Variants in SHANK2 observed in about 807,000 individuals in gnomAD.
The protein encoded by SHANK2 is SH3 and multiple ankyrin repeat domains protein 2.
A neutral mutation model predicts 133.7 loss-of-function variants in SHANK2; 43 were observed. The ratio of observed to expected loss-of-function variants is 0.32; its 90% CI spans 0.25 to 0.41. SHANK2 has a LOEUF of 0.41. SHANK2 is among the 10% of genes least tolerant of loss of function. The probability of loss-of-function intolerance (pLI) is 1.00; values close to 1 mark genes in which losing one functional copy is unlikely to be tolerated. For missense variants in SHANK2, 1,994 were observed against 2,235.8 expected (o/e 0.89, Z 2.18); for synonymous variants, 1,017 against 952.8 (o/e 1.07, Z -1.24).
intron 2 of SHANK2, among the ~76,000 whole-genome samples, chr11:71,170,039 C>A (rs1028281020): frequency 1.4e-4 from 22 of 151,990 alleles, no homozygotes; most frequent in African/African-American, 5.3e-4. Context: ...ATACAATATT[C>A]ATTAATTTTA....
At chr11:71,092,638 T>G (rs1417584496) in intron 7 of SHANK2, 49 bp from the exon 8 acceptor site, 1 of 1,533,352 alleles carries the variant, frequency 6.5e-7, no homozygotes, top group Admixed American at 2.0e-5. Context: ...ATGACCCCTT[T>G]TGCAGAGTGA....
At chr11:70,901,916 A>G (rs567306987) in intron 10 of SHANK2, among the ~76,000 whole-genome samples, 1 of 152,322 alleles carries the variant, frequency 6.6e-6, no homozygotes, top group South Asian at 2.1e-4. Context: ...AAGTCATGGG[A>G]GGAATCCACA....
chr11:70,850,734 T>C (rs1949073287), intron 11 of SHANK2, among the ~76,000 whole-genome samples: 1 of 152,110 alleles, frequency 6.6e-6, no homozygotes, highest in African/African-American at 2.4e-5. Context: ...CAGTTCTGAA[T>C]CCCATCAGAC....
chr11:70,610,270 CA>C (rs1554993815), intron 17 of SHANK2, among the ~76,000 whole-genome samples: 1 of 152,128 alleles, frequency 6.6e-6, no homozygotes, highest in South Asian at 2.1e-4. Context: ...AAAATTCCAT[CA>C]GCATTGCCTG....
chr11:71,063,556 G>T (rs935969031), intron 9 of SHANK2, among the ~76,000 whole-genome samples: 3 of 152,284 alleles, frequency 2.0e-5, no homozygotes, highest in South Asian at 4.1e-4. Flanking sequence ...TACAGAGAAG[G>T]TTAATGTGAA....
At chr11:70,597,738 T>C (rs181017704) in intron 17 of SHANK2, among the ~76,000 whole-genome samples, 21 of 152,262 alleles carry the variant, frequency 1.4e-4, no homozygotes, top group Non-Finnish European at 2.6e-4. Flanking sequence ...CTGGGCAGAA[T>C]GGTGGGCACC....
chr11:71,130,940 T>C (rs1270957570), intron 3 of SHANK2, among the ~76,000 whole-genome samples: 1 of 152,230 alleles, frequency 6.6e-6, no homozygotes, highest in Non-Finnish European at 1.5e-5. Flanking sequence ...CGTCATTCAT[T>C]ACAAAGAAGC....
chr11:71,202,584 G>A (rs1555117311), intron 2 of SHANK2, among the ~76,000 whole-genome samples: 1 of 152,134 alleles, frequency 6.6e-6, no homozygotes, highest in African/African-American at 2.4e-5. Context: ...CTCTGCCCAG[G>A]TGTCAAAAGG....
chr11:71,133,169 G>C (rs1555103968), intron 3 of SHANK2, among the ~76,000 whole-genome samples: 1 of 149,304 alleles, frequency 6.7e-6, no homozygotes. Context: ...GGGTGAGGTG[G>C]GTAGGAGGAT....
rs2059816686 is a variant in SHANK2 at position 70,555,432 on chromosome 11, A to T, written c.2062-52501T>A. On this transcript the variant is annotated intron_variant, in intron 17 of 25. Transcript: ENST00000601538. ...AGCCAAGTTGTGAATGTAAAGGAAA[A>T]GATCTAGAAGGAAATTAAAAGTGCT... 2.0e-5 allele frequency among the ~76,000 whole-genome samples: 3 copies of T among 152,256 alleles called. No homozygotes were observed. The South Asian group carries it at 6.2e-4, about 31-fold the overall frequency.
chr11:71,175,550 GGGAGAGAGAGAGA>G lies in SHANK2; in HGVS notation c.-12-28225_-12-28213del, dbSNP rs1565496271. Among the ~76,000 whole-genome samples, 14 of 15,168 alleles carry G rather than the reference GGGAGAGAGAGAGA, an allele frequency of 9.2e-4. 1 individual carries two copies. In the South Asian group the frequency reaches 0.032, roughly 35 times the overall value. The allele number at this position is 15,168 out of a possible 152,430, so 10.0% of individuals were successfully genotyped here. A position where few individuals can be genotyped will look rare whatever the true frequency, so the allele number is the denominator to read the frequency against. ...ACAGACAGACAGAGGGAGAGGGAGA[GGGAGAGAGAGAGA>G]GAGAGAGAGAGAGAGAGAGAGAGAG... On this transcript the variant is annotated intron_variant, in intron 2 of 25. Transcript: ENST00000601538. This position sits in a 1 kb window ranked among gnomAD's most constrained non-coding sequence, Gnocchi z 4.2.
intron 17 of SHANK2, among the ~76,000 whole-genome samples, chr11:70,599,897 G>GAA (rs1209201083): frequency 0.01 from 922 of 89,068 alleles, 14 homozygotes; most frequent in East Asian, 0.023. Flanking sequence ...GAAAAAGAAA[G>GAA]AAAGAAAGAG....
At chr11:71,212,673 T>C (rs560478616) in intron 2 of SHANK2, among the ~76,000 whole-genome samples, 50 of 152,356 alleles carry the variant, frequency 3.3e-4, no homozygotes, top group Middle Eastern at 6.8e-3. Flanking sequence ...TCCTGTTCCC[T>C]GGATGAATAA....
chr11:70,716,044 C>T (rs1287300014), intron 14 of SHANK2, among the ~76,000 whole-genome samples: 3 of 152,124 alleles, frequency 2.0e-5, no homozygotes, highest in South Asian at 2.1e-4. Context: ...ACTGCCTAAC[C>T]CCAAAACTGT....
chr11:70,954,659 T>C (rs1421141993), intron 10 of SHANK2, among the ~76,000 whole-genome samples: 5 of 152,160 alleles, frequency 3.3e-5, no homozygotes, highest in African/African-American at 1.2e-4. Context: ...GATCCTTGAG[T>C]GAAGAGCGCA....
chr11:70,611,682 C>G (rs782398683), intron 17 of SHANK2, among the ~76,000 whole-genome samples: 6 of 152,166 alleles, frequency 3.9e-5, no homozygotes. Flanking sequence ...GGGAAGGGAC[C>G]CACTGGCCCC....
At chr11:70,713,507 G>A (rs1945840643) in intron 14 of SHANK2, among the ~76,000 whole-genome samples, 1 of 152,252 alleles carries the variant, frequency 6.6e-6, no homozygotes, top group Admixed American at 6.5e-5. Context: ...TTCATGTACG[G>A]AGCCGAGGGG....
At chr11:70,665,691 A>G (rs1555014697) in intron 15 of SHANK2, among the ~76,000 whole-genome samples, 1 of 152,176 alleles carries the variant, frequency 6.6e-6, no homozygotes, top group African/African-American at 2.4e-5. Context: ...GACATTGACC[A>G]CCTTGACTAC....
At chr11:70,578,878 C>T (rs1277640381) in intron 17 of SHANK2, among the ~76,000 whole-genome samples, 1 of 152,148 alleles carries the variant, frequency 6.6e-6, no homozygotes, top group African/African-American at 2.4e-5. Flanking sequence ...GACCATCTGC[C>T]GGGTCACTCT....
Sources: gnomAD v4.1 joint callset for allele counts (sites outside exome capture counted in the v4.1 genomes callset) on GRCh38, gnomAD v4.1.1 for gene constraint, Gnocchi (gnomAD v3.1) non-coding constraint, MANE v1.5 for transcripts, NCBI Gene and HGNC (gene_info 2026-07-23, HGNC 2026-07-21) for gene names.